The following NALCN variants were observed in gnomAD, a reference collection of about 807,000 sequenced individuals.
NALCN encodes sodium leak channel, non-selective.
In NALCN, 111 loss-of-function variants were observed where a neutral mutation model predicts 225.3. That is an observed-to-expected ratio of 0.49 (90% CI 0.42 to 0.58). The LOEUF (loss-of-function observed/expected upper bound fraction) is 0.58. Ranked by LOEUF, NALCN falls within the 20% of genes least tolerant of loss-of-function variation. The pLI is 0.00. For synonymous variants in NALCN, 764 were observed against 769.0 expected (o/e 0.99, Z 0.11); for missense variants, 1,378 against 2,202.4 (o/e 0.63, Z 7.49).
chr13:101,354,469 C>T (rs968238755), intron 6 of NALCN, among the ~76,000 whole-genome samples: 2 of 152,112 alleles, frequency 1.3e-5, no homozygotes, highest in African/African-American at 2.4e-5. Flanking sequence ...AAATCTGGGC[C>T]AAGAGATCCT....
chr13:101,068,065 C>G (rs1426336446), intron 38 of NALCN, 32 bp from the exon 39 acceptor site: 1 of 1,262,580 alleles, frequency 7.9e-7, no homozygotes, highest in Non-Finnish European at 1.1e-6. Context: ...AGAAGTTAGA[C>G]CATTATGCTA....
Position 101,068,834 on chromosome 13 carries a change from G to C in NALCN, c.4198-7C>G. The C allele has an allele frequency of 6.3e-7, 1 of 1,599,898 alleles. No homozygotes were observed. Among genetic ancestry groups the C allele is most frequent in the African/African-American group, 1.3e-5 (1 of 74,516 alleles). On this transcript the variant is annotated splice_region_variant and splice_polypyrimidine_tract_variant and intron_variant, in intron 37 of 43. Transcript: ENST00000251127. ...TACAAAACGGAGGCTGAACCTTTGG[G>C]GCATTGGGGTGGAAGAAGGAGAGGA...
In NALCN at chr13:101,113,247, C is replaced by T. The variant is rs570784939; in HGVS notation, c.2193-2021G>A. ...GGTTCCTGGTGAATGAGGGAAGGAC[C>T]GCAGATGGAAGTTATAAACCTGAGG... On this transcript the variant is annotated intron_variant, in intron 18 of 43. Coordinates refer to ENST00000251127, the MANE Select transcript of NALCN (RefSeq NM_052867.4). 3.9e-5 allele frequency among the ~76,000 whole-genome samples: 6 copies of T among 152,186 alleles called. No homozygotes were observed. The East Asian group carries it at 5.8e-4, about 15-fold the overall frequency.
intron 13 of NALCN, among the ~76,000 whole-genome samples, chr13:101,210,396 A>C (rs1000534315): frequency 2.0e-5 from 3 of 152,238 alleles, no homozygotes; most frequent in African/African-American, 7.2e-5. Context: ...ACCCAAGAGA[A>C]AGAATGAATA....
At position 101,065,386 on chromosome 13, in the gene NALCN, C is replaced by A. The variant is rs770543432; in HGVS notation, c.4604+18G>T. 2 of 1,613,484 alleles carry A rather than the reference C, an allele frequency of 1.2e-6. No individual in the cohort carries two copies. Among genetic ancestry groups the A allele is most frequent in the Non-Finnish European group, 1.7e-6 (2 of 1,179,630 alleles). ...GGTTTCTGGCCCCCATTCAGCCCTG[C>A]GAAAGCCTGCCTTGTACCTCAGGAC... On this transcript the variant is annotated intron_variant, in intron 40 of 43. Transcript: ENST00000251127.
chr13:101,154,860 A>G (rs2037828795), intron 15 of NALCN, among the ~76,000 whole-genome samples: 1 of 152,238 alleles, frequency 6.6e-6, no homozygotes, highest in Non-Finnish European at 1.5e-5. Context: ...GCAAAGATGA[A>G]AGAGGAGTAA....
At chr13:101,252,986 T>C (rs995911963) in intron 11 of NALCN, among the ~76,000 whole-genome samples, 1 of 152,050 alleles carries the variant, frequency 6.6e-6, no homozygotes, top group African/African-American at 2.4e-5. Flanking sequence ...CATATAATAA[T>C]AAGAAAAATA....
intron 20 of NALCN, among the ~76,000 whole-genome samples, chr13:101,109,791 T>C (rs994834893): frequency 6.6e-6 from 1 of 152,186 alleles, no homozygotes; most frequent in African/African-American, 2.4e-5. Flanking sequence ...TTCATTTCAT[T>C]TGGGTCTCCG....
At chr13:101,217,806 A>G (rs17622218) in intron 13 of NALCN, among the ~76,000 whole-genome samples, 39,064 of 152,054 alleles carry the variant, frequency 0.26, 5,301 homozygotes, top group East Asian at 0.37. Context: ...TATGCTAGCT[A>G]CTTTGCAGGT....
At chr13:101,240,503 AT>A (rs1366601719) in intron 11 of NALCN, among the ~76,000 whole-genome samples, 2 of 152,032 alleles carry the variant, frequency 1.3e-5, no homozygotes, top group African/African-American at 2.4e-5. Flanking sequence ...AAGTCTCACG[AT>A]TTTTATAGAA....
chr13:101,416,237 C>G (rs2047943541), intron 1 of NALCN, 76 bp downstream of exon 1: 1 of 152,126 alleles, frequency 6.6e-6, no homozygotes, highest in South Asian at 2.1e-4. Flanking sequence ...CTAACGAGCG[C>G]GCATCGCGGG....
chr13:101,252,456 G>C (rs536952268), intron 11 of NALCN, among the ~76,000 whole-genome samples: 1 of 152,124 alleles, frequency 6.6e-6, no homozygotes, highest in East Asian at 1.9e-4. Flanking sequence ...TTTTTGTTTT[G>C]CTGAACAAAA....
chr13:101,240,046 G>T (rs1237703205), intron 11 of NALCN, among the ~76,000 whole-genome samples: 3 of 151,926 alleles, frequency 2.0e-5, no homozygotes, highest in Non-Finnish European at 4.4e-5. Context: ...GGGAGTTGTT[G>T]GTATTGAGGA....
At chr13:101,069,890 C>T (rs2032722183) in intron 37 of NALCN, among the ~76,000 whole-genome samples, 1 of 152,156 alleles carries the variant, frequency 6.6e-6, no homozygotes, top group Non-Finnish European at 1.5e-5. Context: ...GTCGCGTCTT[C>T]AGGTTCCATT....
chr13:101,161,194 T>C (rs1283648616), intron 15 of NALCN, among the ~76,000 whole-genome samples: 1 of 152,172 alleles, frequency 6.6e-6, no homozygotes, highest in Non-Finnish European at 1.5e-5. Context: ...GAATAAATAA[T>C]TGAGAATTAC....
intron 10 of NALCN, among the ~76,000 whole-genome samples, chr13:101,267,376 A>C (rs2042632134): frequency 6.6e-6 from 1 of 152,192 alleles, no homozygotes; most frequent in Admixed American, 6.5e-5. Context: ...TTATGATGCC[A>C]AGCCAGTGAT....
At chr13:101,106,458 A>G (rs867123511) in intron 22 of NALCN, among the ~76,000 whole-genome samples, 11 of 152,174 alleles carry the variant, frequency 7.2e-5, no homozygotes, top group African/African-American at 2.7e-4. Flanking sequence ...GGGAACATGG[A>G]AAGTTTTCTC....
intron 7 of NALCN, among the ~76,000 whole-genome samples, chr13:101,331,418 T>C (rs2045166793): frequency 6.6e-6 from 1 of 152,190 alleles, no homozygotes; most frequent in South Asian, 2.1e-4. Flanking sequence ...ATTCGATAAA[T>C]AAATAGCAGT....
intron 13 of NALCN, among the ~76,000 whole-genome samples, chr13:101,196,183 G>A (rs2039882480): frequency 6.6e-6 from 1 of 151,834 alleles, no homozygotes; most frequent in Non-Finnish European, 1.5e-5. Flanking sequence ...ACAATCTTTG[G>A]TTTGGTTTTG....
Sources: gnomAD v4.1 joint callset for allele counts (sites outside exome capture counted in the v4.1 genomes callset) on GRCh38, gnomAD v4.1.1 for gene constraint, MANE v1.5 for transcripts, NCBI Gene and HGNC (gene_info 2026-07-23, HGNC 2026-07-21) for gene names.